The following RUFY4 variants were observed in gnomAD, a reference collection of about 807,000 sequenced individuals.
RUFY4 encodes the protein RUN and FYVE domain-containing protein 4.
Under a neutral mutation model 69.0 loss-of-function variants are expected in RUFY4, and 73 were observed. The observed-to-expected ratio is 1.06, with a 90% CI of 0.88 to 1.29. RUFY4 has a LOEUF of 1.29. Among genes scored for constraint, RUFY4 ranks in the 50% most tolerant of loss-of-function variants. The pLI is 0.00. For missense variants in RUFY4, 770 were observed against 705.6 expected, an observed-to-expected ratio of 1.09 and a Z score of -1.03; for synonymous variants, 287 against 271.8, an observed-to-expected ratio of 1.06 and a Z score of -0.55.
intron 2 of RUFY4, among the ~76,000 whole-genome samples, chr2:218,038,828 A>G (rs903904015): frequency 6.6e-6 from 1 of 152,148 alleles, no homozygotes; most frequent in African/African-American, 2.4e-5. Flanking sequence ...AGCAGTCACA[A>G]GCAAAAGGAA....
chr2:218,044,698 G>A (rs1348350976), intron 2 of RUFY4, among the ~76,000 whole-genome samples: 2 of 152,094 alleles, frequency 1.3e-5, no homozygotes. Flanking sequence ...CCAATATTTA[G>A]GTTTCTGTTC....
At position 218,089,363 on chromosome 2, in the gene RUFY4, G is replaced by A. The variant is rs756683313; in HGVS notation, c.1613+1G>A. On this transcript the variant is annotated splice_donor_variant, in intron 10 of 10. Transcript: ENST00000344321. LOFTEE classifies it high-confidence loss of function. ...GATTTTCTCGGCGGTATCCATGCAG[G>A]TAAAGGGAAGGGCACAGAATCCTCC... The A allele has an allele frequency of 3.7e-6, 6 of 1,612,984 alleles. No homozygotes were observed. Among genetic ancestry groups the A allele is most frequent in the South Asian group, 1.1e-5 (1 of 90,896 alleles).
chr2:218,073,825 C>T (rs1301353926), exon 6 of RUFY4: 1 of 1,613,976 alleles, frequency 6.2e-7, no homozygotes, highest in Admixed American at 1.7e-5. Context: ...GGTCACGCTG[C>T]TCCAGTTCCA....
At chr2:218,040,443 C>A (rs915505418) in intron 2 of RUFY4, among the ~76,000 whole-genome samples, 1 of 152,118 alleles carries the variant, frequency 6.6e-6, no homozygotes, top group African/African-American at 2.4e-5. Flanking sequence ...AGGAAGCCAC[C>A]TTTGCTTGCT....
At chr2:218,055,776 TC>T (rs1036071381) in intron 2 of RUFY4, among the ~76,000 whole-genome samples, 1 of 151,760 alleles carries the variant, frequency 6.6e-6, no homozygotes, top group African/African-American at 2.4e-5. Context: ...TCACCAACCA[TC>T]CCCGCCACAG....
At chr2:218,036,899 A>G (rs541817909) in intron 2 of RUFY4, among the ~76,000 whole-genome samples, 2 of 152,308 alleles carry the variant, frequency 1.3e-5, no homozygotes, top group East Asian at 3.9e-4. Context: ...AATGTACACT[A>G]AGTTGCCCAG....
At chr2:218,072,318 G>A in intron 2 of RUFY4, 56 bp from the exon 5 acceptor site, 4 of 1,525,864 alleles carry the variant, frequency 2.6e-6, no homozygotes, top group Non-Finnish European at 3.5e-6. Flanking sequence ...CTAGAATGCA[G>A]GGCGTGTTCT....
At chr2:218,053,530 A>G (rs7572984) in intron 2 of RUFY4, among the ~76,000 whole-genome samples, 12,868 of 151,588 alleles carry the variant, frequency 0.085, 1,689 homozygotes, top group African/African-American at 0.28. Context: ...TTTATTTTGA[A>G]ACGGAGTCTT....
intron 3 of RUFY4, among the ~76,000 whole-genome samples, chr2:218,064,116 C>T (rs996603557): frequency 6.6e-6 from 1 of 152,184 alleles, no homozygotes; most frequent in African/African-American, 2.4e-5. Flanking sequence ...CTTACACTTT[C>T]TGGACACTGC....
At chr2:218,079,053 G>A (rs544620743) in intron 8 of RUFY4, among the ~76,000 whole-genome samples, 1 of 152,282 alleles carries the variant, frequency 6.6e-6, no homozygotes, top group East Asian at 1.9e-4. Flanking sequence ...ATTTTTAGTA[G>A]AGATGGGGTT....
intron 2 of RUFY4, among the ~76,000 whole-genome samples, chr2:218,046,758 T>A (rs1438247520): frequency 6.6e-6 from 1 of 152,220 alleles, no homozygotes; most frequent in Non-Finnish European, 1.5e-5. Flanking sequence ...TATTTGGCAG[T>A]GCCTCTCATG....
At chr2:218,051,675 TG>T (rs1370582952) in intron 2 of RUFY4, among the ~76,000 whole-genome samples, 2 of 146,394 alleles carry the variant, frequency 1.4e-5, no homozygotes, top group African/African-American at 5.5e-5. Context: ...AGGATGGTTT[TG>T]TAAAGGGAGT....
chr2:218,053,532 C>T (rs907697806), intron 2 of RUFY4, among the ~76,000 whole-genome samples: 1 of 151,774 alleles, frequency 6.6e-6, no homozygotes, highest in East Asian at 1.9e-4. Flanking sequence ...TATTTTGAAA[C>T]GGAGTCTTGC....
intron 2 of RUFY4, among the ~76,000 whole-genome samples, chr2:218,040,615 C>T (rs1959048072): frequency 6.6e-6 from 1 of 152,152 alleles, no homozygotes; most frequent in South Asian, 2.1e-4. Context: ...GAAGAGGAGG[C>T]CACAGCCTCT....
intron 3 of RUFY4, 46 bp downstream of exon 5, chr2:218,072,545 CATAG>C: frequency 6.5e-7 from 1 of 1,530,450 alleles, no homozygotes; most frequent in Non-Finnish European, 8.7e-7. Flanking sequence ...TGGGGGTAGA[CATAG>C]GCCTCCTCCT....
At chr2:218,043,271 C>T (rs905287580) in intron 2 of RUFY4, among the ~76,000 whole-genome samples, 6 of 152,114 alleles carry the variant, frequency 3.9e-5, no homozygotes, top group Middle Eastern at 6.8e-3. Context: ...TGCAGCTGGT[C>T]ATTTGGTCAT....
At chr2:218,085,542 G>A (rs753994074) in intron 9 of RUFY4, among the ~76,000 whole-genome samples, 3 of 152,210 alleles carry the variant, frequency 2.0e-5, no homozygotes, top group Non-Finnish European at 2.9e-5. Context: ...ATTTCCAGAA[G>A]TTGGAAAATG....
intron 2 of RUFY4, among the ~76,000 whole-genome samples, chr2:218,040,999 C>CAGATGGTTCTCTAG (rs66661630): frequency 6.6e-6 from 1 of 151,142 alleles, no homozygotes; most frequent in East Asian, 1.9e-4. Context: ...CAAAGTCTTT[C>CAGATGGTTCTCTAG]AGATGGTTCT....
chr2:218,046,749 A>G (rs1688839371), intron 2 of RUFY4, among the ~76,000 whole-genome samples: 1 of 152,220 alleles, frequency 6.6e-6, no homozygotes, highest in Non-Finnish European at 1.5e-5. Context: ...ATCACTTATT[A>G]TTTGGCAGTG....
Sources: gnomAD v4.1 joint callset for allele counts (sites outside exome capture counted in the v4.1 genomes callset) on GRCh38, gnomAD v4.1.1 for gene constraint, MANE v1.5 for transcripts, NCBI Gene and HGNC (gene_info 2026-07-23, HGNC 2026-07-21) for gene names.